ZBBX: variants seen among roughly 807,000 people sequenced by gnomAD.
ZBBX encodes zinc finger B-box domain-containing protein 1.
ZBBX carries 101 observed loss-of-function variants against 108.5 expected under a neutral mutation model. The ratio of observed to expected loss-of-function variants is 0.93; its 90% CI spans 0.79 to 1.10. ZBBX has a LOEUF of 1.10. ZBBX is among the 50% of genes least tolerant of loss of function. The probability of loss-of-function intolerance (pLI) is 0.00; values close to 1 mark genes in which losing one functional copy is unlikely to be tolerated. For missense variants in ZBBX, 1,009 were observed against 941.4 expected (o/e 1.07, Z -0.94); for synonymous variants, 356 against 323.4 (o/e 1.10, Z -1.08).
intron 6 of ZBBX, among the ~76,000 whole-genome samples, chr3:167,362,697 G>A (rs1007230078): frequency 6.6e-6 from 1 of 152,056 alleles, no homozygotes; most frequent in Non-Finnish European, 1.5e-5. Context: ...CTTCACCAAA[G>A]CACTTCCCAC....
chr3:167,342,601 C>A (rs923086585), intron 9 of ZBBX, among the ~76,000 whole-genome samples: 2 of 151,622 alleles, frequency 1.3e-5, no homozygotes, highest in Non-Finnish European at 3.0e-5. Flanking sequence ...ATTTATATTG[C>A]TAACTTTAAC....
At chr3:167,183,987 A>T in the ZBBX span, among the ~76,000 whole-genome samples, 1 of 152,218 alleles carries the variant, frequency 6.6e-6, no homozygotes, top group Non-Finnish European at 1.5e-5. Context: ...TCTGTGTTGT[A>T]AAAAGGATAC....
At chr3:167,353,047 C>A (rs1742947031) in intron 8 of ZBBX, among the ~76,000 whole-genome samples, 1 of 152,018 alleles carries the variant, frequency 6.6e-6, no homozygotes. Flanking sequence ...AAAACGTTGC[C>A]CCTAACAACT....
At chr3:167,360,036 A>G (rs1033341727) in intron 7 of ZBBX, 57 bp from the exon 8 acceptor site, 13 of 1,027,624 alleles carry the variant, frequency 1.3e-5, no homozygotes, top group African/African-American at 5.0e-5. Flanking sequence ...AAATTTTCCA[A>G]TTGATAAATT....
chr3:167,387,820 G>A (rs1454323338), intron 1 of ZBBX, among the ~76,000 whole-genome samples: 1 of 151,998 alleles, frequency 6.6e-6, no homozygotes, highest in African/African-American at 2.4e-5. Flanking sequence ...GAATTAACTA[G>A]ATGAGAGGCT....
At chr3:167,314,295 C>A (rs1735073177) in intron 15 of ZBBX, among the ~76,000 whole-genome samples, 179 bp from the exon 16 acceptor site, 1 of 152,040 alleles carries the variant, frequency 6.6e-6, no homozygotes, top group Non-Finnish European at 1.5e-5. Flanking sequence ...TAACTAATAA[C>A]ACTGTGGATT....
intron 19 of ZBBX, among the ~76,000 whole-genome samples, chr3:167,287,177 C>T (rs1729858574): frequency 6.6e-6 from 1 of 151,814 alleles, no homozygotes; most frequent in African/African-American, 2.4e-5. Context: ...TCATTAATTA[C>T]CTATTAAGGT....
intron 6 of ZBBX, among the ~76,000 whole-genome samples, chr3:167,362,060 G>C (rs986931158): frequency 6.6e-6 from 1 of 152,060 alleles, no homozygotes; most frequent in Non-Finnish European, 1.5e-5. Context: ...TTCCTCATAG[G>C]TCTGATTTTT....
chr3:167,319,124 A>T (rs73028613), intron 12 of ZBBX, among the ~76,000 whole-genome samples: 2,321 of 151,988 alleles, frequency 0.015, 68 homozygotes, highest in African/African-American at 0.053. Context: ...GGAATTAAAA[A>T]CCTATATTCA....
intron 3 of ZBBX, 51 bp from the exon 4 acceptor site, chr3:167,373,001 A>T: frequency 1.2e-6 from 1 of 865,914 alleles, no homozygotes; most frequent in South Asian, 2.2e-5. Context: ...AAGCAGTATA[A>T]GTTACAAATT....
intron 18 of ZBBX, among the ~76,000 whole-genome samples, chr3:167,294,195 C>T (rs530208673): frequency 6.6e-6 from 1 of 152,224 alleles, no homozygotes; most frequent in South Asian, 2.1e-4. Flanking sequence ...AAAAAATTTA[C>T]TTTAAATTTC....
At chr3:167,183,910 A>T in the ZBBX span, among the ~76,000 whole-genome samples, 2 of 152,214 alleles carry the variant, frequency 1.3e-5, no homozygotes, top group African/African-American at 4.8e-5. Context: ...CCCAACAAAA[A>T]AGGAAAAGTC....
chr3:167,287,854 G>A (rs1729968024), intron 19 of ZBBX, among the ~76,000 whole-genome samples: 2 of 152,050 alleles, frequency 1.3e-5, no homozygotes, highest in Non-Finnish European at 2.9e-5. Flanking sequence ...ATATCTGACA[G>A]ATTCTCAACA....
intron 15 of ZBBX, among the ~76,000 whole-genome samples, chr3:167,315,508 T>C (rs970073927): frequency 5.9e-5 from 9 of 152,206 alleles, no homozygotes; most frequent in Admixed American, 6.6e-5. Context: ...ATGTATTAAA[T>C]AATCCAAATA....
intron 10 of ZBBX, among the ~76,000 whole-genome samples, chr3:167,331,319 A>C (rs12186043): frequency 0.015 from 2,322 of 152,198 alleles, 27 homozygotes; most frequent in Non-Finnish European, 0.022. Flanking sequence ...AGACAGGATA[A>C]ATTTAGTTTA....
the ZBBX span, among the ~76,000 whole-genome samples, chr3:167,234,810 C>T: frequency 3.4e-4 from 52 of 151,872 alleles, no homozygotes; most frequent in Non-Finnish European, 5.6e-4. Flanking sequence ...TAATCAACCA[C>T]ATTTTCAAAT....
At chr3:167,388,020 T>A (rs1020016426) in intron 1 of ZBBX, among the ~76,000 whole-genome samples, 1 of 152,054 alleles carries the variant, frequency 6.6e-6, no homozygotes, top group Admixed American at 6.6e-5. Flanking sequence ...TTGTTTTCAT[T>A]AAGTTTCTAT....
chr3:167,309,569 G>T (rs558908387), intron 16 of ZBBX, among the ~76,000 whole-genome samples: 1 of 152,324 alleles, frequency 6.6e-6, no homozygotes, highest in East Asian at 1.9e-4. Context: ...CAAGGCTTGG[G>T]GCTTGCACCC....
the ZBBX span, among the ~76,000 whole-genome samples, chr3:167,210,828 C>T: frequency 3.9e-5 from 6 of 152,080 alleles, no homozygotes; most frequent in East Asian, 1.2e-3. Context: ...TAAAAATAAC[C>T]TTCAAATATG....
Sources: allele counts gnomAD v4.1 joint callset (sites outside exome capture counted in the v4.1 genomes callset), GRCh38; gene constraint gnomAD v4.1.1; transcripts MANE v1.5; gene names NCBI Gene and HGNC (gene_info 2026-07-23, HGNC 2026-07-21).